Variants in UNC13C observed in about 807,000 individuals in gnomAD.
UNC13C encodes the protein unc-13 homolog C.
UNC13C carries 174 observed loss-of-function variants against 245.4 expected under a neutral mutation model. The ratio of observed to expected loss-of-function variants is 0.71; its 90% CI spans 0.63 to 0.80. The LOEUF is 0.80. Ranked by LOEUF, UNC13C falls within the 30% of genes least tolerant of loss-of-function variation. UNC13C has a pLI of 0.00. For missense variants in UNC13C, 2,829 were observed against 2,602.9 expected (o/e 1.09, Z -1.89); for synonymous variants, 992 against 895.1 (o/e 1.11, Z -1.93).
chr15:54,509,911 A>G (rs1237595244), intron 23 of UNC13C, among the ~76,000 whole-genome samples: 1 of 152,142 alleles, frequency 6.6e-6, no homozygotes, highest in Non-Finnish European at 1.5e-5. Context: ...GGATAACTGC[A>G]TCTCCTCTTT....
At chr15:54,184,256 A>T (rs1300917766) in intron 4 of UNC13C, among the ~76,000 whole-genome samples, 1 of 151,626 alleles carries the variant, frequency 6.6e-6, no homozygotes, top group Non-Finnish European at 1.5e-5. Flanking sequence ...GTTTATTTTT[A>T]TTTATTTATT....
At chr15:53,940,189 G>A in the UNC13C span, among the ~76,000 whole-genome samples, 2 of 152,114 alleles carry the variant, frequency 1.3e-5, no homozygotes, top group African/African-American at 2.4e-5. Flanking sequence ...TGGGGGAAGG[G>A]TGGGCAGCAC....
chr15:54,194,211 A>T (rs2034280117), intron 4 of UNC13C, among the ~76,000 whole-genome samples: 1 of 152,160 alleles, frequency 6.6e-6, no homozygotes, highest in Non-Finnish European at 1.5e-5. Flanking sequence ...GATAGTTTAG[A>T]CTAGAGCAGT....
intron 7 of UNC13C, among the ~76,000 whole-genome samples, chr15:54,248,582 GAGCCAGGAGATTTACTTGCTTCAGACA>G (rs2036059973): frequency 1.9e-5 from 1 of 52,896 alleles, no homozygotes; most frequent in African/African-American, 1.7e-4. Context: ...ACTCTTTATT[GAGCCAGGAGATTTACTTGCTTCAGACA>G]CTCTTTATTG....
At chr15:54,524,153 T>G (rs1260523667) in intron 24 of UNC13C, among the ~76,000 whole-genome samples, 2 of 151,472 alleles carry the variant, frequency 1.3e-5, no homozygotes, top group Non-Finnish European at 2.9e-5. Flanking sequence ...CAACTGGTTT[T>G]AGCTGAATAG....
At chr15:54,125,569 C>A (rs980151539) in intron 2 of UNC13C, among the ~76,000 whole-genome samples, 2 of 152,134 alleles carry the variant, frequency 1.3e-5, no homozygotes, top group African/African-American at 4.8e-5. Flanking sequence ...TTCCAATTCA[C>A]AAACGTGGTA....
At chr15:54,067,203 A>G (rs1898116898) in intron 2 of UNC13C, among the ~76,000 whole-genome samples, 1 of 152,134 alleles carries the variant, frequency 6.6e-6, no homozygotes, top group South Asian at 2.1e-4. Flanking sequence ...AATTACACTT[A>G]CCTCAAGGAA....
At chr15:54,021,562 C>A (rs1202802280) in intron 2 of UNC13C, among the ~76,000 whole-genome samples, 2 of 152,178 alleles carry the variant, frequency 1.3e-5, no homozygotes, top group Non-Finnish European at 2.9e-5. Flanking sequence ...ATTGTGTGTA[C>A]ATCTACTTTT....
intron 4 of UNC13C, among the ~76,000 whole-genome samples, chr15:54,197,684 C>T (rs988350949): frequency 1.3e-5 from 2 of 152,018 alleles, no homozygotes; most frequent in African/African-American, 2.4e-5. Context: ...TGGGGGACAT[C>T]AGATTAAGAT....
At chr15:54,407,986 G>A (rs1000413752) in intron 18 of UNC13C, among the ~76,000 whole-genome samples, 2 of 151,812 alleles carry the variant, frequency 1.3e-5, no homozygotes, top group African/African-American at 2.4e-5. Flanking sequence ...CAGATCATGA[G>A]GTCAGGAGAT....
chr15:54,066,882 A>G (rs1898100510), intron 2 of UNC13C, among the ~76,000 whole-genome samples: 1 of 152,162 alleles, frequency 6.6e-6, no homozygotes, highest in African/African-American at 2.4e-5. Context: ...TCTAAATTTA[A>G]TGCCTAGATT....
intron 5 of UNC13C, 88 bp downstream of exon 5, chr15:54,235,196 C>T (rs769390218): frequency 1.9e-5 from 21 of 1,094,634 alleles, no homozygotes; most frequent in Non-Finnish European, 2.7e-5. Flanking sequence ...CACTGTCTAG[C>T]CTGTAAATAT....
At chr15:54,470,024 G>T (rs536050774) in intron 19 of UNC13C, among the ~76,000 whole-genome samples, 1 of 151,510 alleles carries the variant, frequency 6.6e-6, no homozygotes, top group African/African-American at 2.4e-5. Context: ...TGCTCATATG[G>T]TCTTTGTTCA....
chr15:54,632,780 T>A (rs1316871130), downstream of UNC13C: 5 of 152,230 alleles, frequency 3.3e-5, no homozygotes, highest in East Asian at 7.7e-4. Flanking sequence ...TTACTGTAGC[T>A]TTATACTGTC....
intron 18 of UNC13C, among the ~76,000 whole-genome samples, chr15:54,400,540 A>T (rs892484716): frequency 6.6e-6 from 1 of 152,022 alleles, no homozygotes; most frequent in African/African-American, 2.4e-5. Flanking sequence ...TTTTAAGAAC[A>T]CTTCATAAGT....
chr15:54,060,627 C>G (rs980209344), intron 2 of UNC13C, among the ~76,000 whole-genome samples: 1 of 151,944 alleles, frequency 6.6e-6, no homozygotes, highest in Non-Finnish European at 1.5e-5. Context: ...GGTATATACC[C>G]AAAGGATTAT....
intron 4 of UNC13C, among the ~76,000 whole-genome samples, chr15:54,155,438 G>A (rs2032701112): frequency 6.6e-6 from 1 of 152,044 alleles, no homozygotes; most frequent in Admixed American, 6.6e-5. Flanking sequence ...GTGGAAATGA[G>A]GCTCTGTTTT....
At chr15:54,166,966 A>C (rs1057226039) in intron 4 of UNC13C, among the ~76,000 whole-genome samples, 1 of 152,182 alleles carries the variant, frequency 6.6e-6, no homozygotes, top group Non-Finnish European at 1.5e-5. Flanking sequence ...TTTTCACAAG[A>C]ATTGACAATC....
At chr15:53,917,695 G>A in the UNC13C span, among the ~76,000 whole-genome samples, 12 of 152,122 alleles carry the variant, frequency 7.9e-5, no homozygotes, top group Non-Finnish European at 1.3e-4. Flanking sequence ...AGACATTTTA[G>A]TTATCTGTCA....
Sources: allele counts gnomAD v4.1 joint callset (sites outside exome capture counted in the v4.1 genomes callset), GRCh38; gene constraint gnomAD v4.1.1; transcripts MANE v1.5; gene names NCBI Gene and HGNC (gene_info 2026-07-23, HGNC 2026-07-21).